The following ANKAR variants were observed in gnomAD, a reference collection of about 807,000 sequenced individuals.
ANKAR encodes the protein ankyrin and armadillo repeat-containing protein.
Under a neutral mutation model 146.2 loss-of-function variants are expected in ANKAR, and 136 were observed. That is an observed-to-expected ratio of 0.93 (90% CI 0.81 to 1.07). The LOEUF is 1.07. ANKAR is among the 50% of genes least tolerant of loss of function. The probability of loss-of-function intolerance (pLI) is 0.00; values close to 1 mark genes in which losing one functional copy is unlikely to be tolerated. For missense variants in ANKAR, 1,567 were observed against 1,679.9 expected (o/e 0.93, Z 1.18); for synonymous variants, 500 against 575.8 (o/e 0.87, Z 1.88).
At chr2:189,723,106 T>G (rs1271718377) in intron 12 of ANKAR, among the ~76,000 whole-genome samples, 1 of 152,162 alleles carries the variant, frequency 6.6e-6, no homozygotes, top group Non-Finnish European at 1.5e-5. Context: ...GTATAGGAGA[T>G]CACAAAGGCA....
intron 3 of ANKAR, 119 bp from the exon 4 acceptor site, chr2:189,692,136 A>T: frequency 1.2e-6 from 1 of 837,482 alleles, no homozygotes; most frequent in Non-Finnish European, 1.8e-6. Context: ...AATTGCCAAG[A>T]TTTTAATTTC....
In ANKAR at chr2:189,707,646, G is replaced by A. The variant is rs369621715; in HGVS notation, c.2119+500G>A. On this transcript the variant is annotated intron_variant, in intron 9 of 22. Transcript: ENST00000684021. ...TTTTTTTTTTTCAAATTTGCATTCA[G>A]TCTAGCCAAAATAAGGGTAAGGGTC... 2.5e-4 allele frequency among the ~76,000 whole-genome samples: 37 copies of A among 146,078 alleles called. No individual in the cohort carries two copies. In the South Asian group the frequency reaches 3.0e-3, roughly 12 times the overall value.
intron 10 of ANKAR, among the ~76,000 whole-genome samples, chr2:189,714,970 G>A (rs147249244): frequency 9.3e-4 from 109 of 116,582 alleles, no homozygotes; most frequent in Non-Finnish European, 1.4e-3. Flanking sequence ...AAAAAAAAGA[G>A]AGAGAGAGAG....
chr2:189,742,902 CCTG>C (rs1559147486), intron 20 of ANKAR, among the ~76,000 whole-genome samples: 4 of 22,190 alleles, frequency 1.8e-4, no homozygotes, highest in Admixed American at 5.2e-4. Flanking sequence ...ACTAGAATTA[CCTG>C]ACACACACAC....
downstream of ANKAR, chr2:189,746,826 T>C (rs2044225709): frequency 1.9e-6 from 1 of 529,126 alleles, no homozygotes; most frequent in Admixed American, 4.1e-5. Flanking sequence ...AAATTAGGAT[T>C]TCTGTAAACA....
At chr2:189,728,883 A>G in intron 15 of ANKAR, 62 bp downstream of exon 15, 2 of 1,497,814 alleles carry the variant, frequency 1.3e-6, no homozygotes, top group East Asian at 4.6e-5. Flanking sequence ...TTGCGCAGAG[A>G]AGTGGAAATT....
At chr2:189,697,946 A>G (rs1205352516) in intron 7 of ANKAR, among the ~76,000 whole-genome samples, 3 of 152,128 alleles carry the variant, frequency 2.0e-5, no homozygotes, top group African/African-American at 7.2e-5. Flanking sequence ...AGTTATTCTC[A>G]ACACTGTTCG....
downstream of ANKAR, chr2:189,762,918 C>A (rs546888804): frequency 1.0e-6 from 1 of 985,120 alleles, no homozygotes; most frequent in Non-Finnish European, 1.2e-6. Context: ...ACCTGCATTT[C>A]CCCCAGATTT....
rs754379494 is a variant in ANKAR at position 189,696,294 on chromosome 2, A to C, written c.1633A>C (p.Arg545=). 2 of 1,614,154 alleles carry C rather than the reference A, an allele frequency of 1.2e-6. No individual in the cohort carries two copies. The highest frequency in any genetic ancestry group is 1.7e-6 in the Non-Finnish European group (2 of 1,180,018). ...TIFHHAALHN[R]VSIICQLCNA... is the part of the protein sequence containing the mutation. Reference sequence around the variant, plus strand: ...TTTTCATCATGCTGCCCTGCACAACAGAGTTTCTATTATATGTCAACTGTG... The same window carrying C: ...TTTTCATCATGCTGCCCTGCACAACCGAGTTTCTATTATATGTCAACTGTG... The change falls in exon 7 of 23, where the codon AGA becomes CGA. Residue 545 remains arginine, a synonymous_variant. Coordinates refer to ENST00000684021, the MANE Select transcript of ANKAR (RefSeq NM_001378068.1).
intron 12 of ANKAR, among the ~76,000 whole-genome samples, chr2:189,727,544 A>AG (rs2042009941): frequency 2.7e-5 from 4 of 149,850 alleles, no homozygotes; most frequent in African/African-American, 1.0e-4. Flanking sequence ...AAAAAAAAAA[A>AG]AAGGGTGGTG....
intron 9 of ANKAR, among the ~76,000 whole-genome samples, chr2:189,708,548 T>C (rs978550168): frequency 6.6e-6 from 1 of 152,354 alleles, no homozygotes; most frequent in South Asian, 2.1e-4. Context: ...AACACTCTAT[T>C]ATAAAATGGG....
At chr2:189,762,647 A>T (rs3749013), downstream of ANKAR, 2 of 985,276 alleles carry the variant, frequency 2.0e-6, no homozygotes, top group East Asian at 2.3e-4. Flanking sequence ...AGGTGCGCAA[A>T]AGCGTCAGTG....
At chr2:189,691,125 G>A (rs764134967) in intron 3 of ANKAR, among the ~76,000 whole-genome samples, 2 of 152,106 alleles carry the variant, frequency 1.3e-5, no homozygotes, top group South Asian at 2.1e-4. Flanking sequence ...GCACGATCTC[G>A]ACTCACTGCA....
At position 189,738,666 on chromosome 2, in the gene ANKAR, T is replaced by A; in HGVS notation, c.3684T>A (p.Ser1228=). The change falls in exon 19 of 23, where the codon TCT becomes TCA. Residue 1228 remains serine, a synonymous_variant. Transcript: ENST00000684021. ...ATAGTCTGTATTCAGTTCAGACTTCTACTATTGTCTTGACAGGTAAGAAAT... is the reference window on the plus strand; with the variant it reads ...ATAGTCTGTATTCAGTTCAGACTTCAACTATTGTCTTGACAGGTAAGAAAT... ...LVDSLYSVQT[S]TIVLTGNLIA... is the part of the protein sequence containing the mutation. 1 of 1,596,288 alleles carries A rather than the reference T, an allele frequency of 6.3e-7. No homozygotes were observed. The highest frequency in any genetic ancestry group is 8.6e-7 in the Non-Finnish European group (1 of 1,169,406).
At position 189,689,310 on chromosome 2, in the gene ANKAR, T is replaced by A. The variant is rs114939938; in HGVS notation, c.602-217T>A. On this transcript the variant is annotated intron_variant, in intron 2 of 22. Coordinates refer to ENST00000684021, the MANE Select transcript of ANKAR (RefSeq NM_001378068.1). ...CCCATCATGGCCAAGAACTTAGTTT[T>A]TAAGGTTTCTTTGGGGTCCCCTTGC... Among the ~76,000 whole-genome samples the A allele has an allele frequency of 9.1e-3, 1,386 of 152,306 alleles. 22 individuals are homozygous for A. The highest frequency in any genetic ancestry group is 0.032 in the African/African-American group (1,326 of 41,554).
At chr2:189,742,264 G>A (rs959771585) in intron 20 of ANKAR, among the ~76,000 whole-genome samples, 2 of 152,156 alleles carry the variant, frequency 1.3e-5, no homozygotes, top group African/African-American at 4.8e-5. Context: ...TGAACTACAG[G>A]TCCAGGGTTC....
intron 2 of ANKAR, among the ~76,000 whole-genome samples, 167 bp from the exon 3 acceptor site, chr2:189,689,360 T>A (rs1246688541): frequency 6.6e-6 from 1 of 152,152 alleles, no homozygotes; most frequent in Non-Finnish European, 1.5e-5. Flanking sequence ...TTCAGTCAGT[T>A]GTAGGGAGTG....
chr2:189,705,319 G>A, intron 8 of ANKAR, 95 bp downstream of exon 8: 1 of 1,255,048 alleles, frequency 8.0e-7, no homozygotes, highest in Non-Finnish European at 1.1e-6. Flanking sequence ...ATAAATTTCT[G>A]CTTTTCATGG....
chr2:189,712,206 C>A (rs375748856), intron 10 of ANKAR, among the ~76,000 whole-genome samples: 11 of 152,188 alleles, frequency 7.2e-5, no homozygotes, highest in African/African-American at 2.7e-4. Context: ...ATTCTGCAGA[C>A]TTAAATGTCC....
Sources: gnomAD v4.1 joint callset for allele counts (sites outside exome capture counted in the v4.1 genomes callset) on GRCh38, gnomAD v4.1.1 for gene constraint, MANE v1.5 for transcripts, NCBI Gene and HGNC (gene_info 2026-07-23, HGNC 2026-07-21) for gene names.